ATG5: variants seen among roughly 807,000 people sequenced by gnomAD.
ATG5 encodes the protein autophagy protein 5.
A neutral mutation model predicts 36.5 loss-of-function variants in ATG5; 14 were observed. The observed-to-expected ratio is 0.38, with a 90% CI of 0.25 to 0.60. The LOEUF (loss-of-function observed/expected upper bound fraction) is 0.60, where lower values mean the gene tolerates loss of function less well. Among genes scored for constraint, ATG5 ranks in the 20% least tolerant of loss-of-function variants. The pLI is 0.60. For missense variants in ATG5, 195 were observed against 326.7 expected (o/e 0.60, Z 3.11); for synonymous variants, 95 against 101.5 (o/e 0.94, Z 0.38).
intron 6 of ATG5, among the ~76,000 whole-genome samples, chr6:106,215,690 T>C (rs1562216258): frequency 6.6e-6 from 1 of 151,962 alleles, no homozygotes; most frequent in Non-Finnish European, 1.5e-5. Flanking sequence ...CTTCGTGACC[T>C]TGGATTAGGA....
chr6:106,199,745 T>C (rs535119421), intron 7 of ATG5, among the ~76,000 whole-genome samples: 4 of 152,218 alleles, frequency 2.6e-5, no homozygotes, highest in Non-Finnish European at 5.9e-5. Context: ...TAAGATAGTA[T>C]TATAATCAAC....
At position 106,252,439 on chromosome 6, in the gene ATG5, A is replaced by G. The variant is rs76827886; in HGVS notation, c.479-4195T>C. 5.7e-3 allele frequency among the ~76,000 whole-genome samples: 865 copies of G among 151,754 alleles called. 10 individuals are homozygous for G. The highest frequency in any genetic ancestry group is 0.02 in the African/African-American group (830 of 41,400). Reference sequence around the variant, plus strand: ...TCTCTCTGCTGAATTAAGCTTTTATATTGGTCTTGCAAATTTTAAAACACC... The same window carrying G: ...TCTCTCTGCTGAATTAAGCTTTTATGTTGGTCTTGCAAATTTTAAAACACC... On this transcript the variant is annotated intron_variant, in intron 5 of 7. Transcript: ENST00000369076.
chr6:106,266,042 A>G (rs1323685823), intron 5 of ATG5, among the ~76,000 whole-genome samples: 1 of 152,130 alleles, frequency 6.6e-6, no homozygotes, highest in African/African-American at 2.4e-5. Context: ...CTCAAAAAAA[A>G]AAAATCAATG....
intron 5 of ATG5, among the ~76,000 whole-genome samples, chr6:106,274,827 G>GT (rs1199616502): frequency 6.6e-5 from 10 of 152,166 alleles, no homozygotes; most frequent in Admixed American, 6.5e-5. Context: ...ATACAAAAAT[G>GT]TAAGATGTAC....
chr6:106,225,804 A>T (rs1277568075), intron 6 of ATG5, among the ~76,000 whole-genome samples: 1 of 152,196 alleles, frequency 6.6e-6, no homozygotes, highest in Non-Finnish European at 1.5e-5. Context: ...TCACCAGGAG[A>T]GTTTGTGGAA....
At chr6:106,290,324 T>C (rs1175617722) in intron 4 of ATG5, among the ~76,000 whole-genome samples, 1 of 151,620 alleles carries the variant, frequency 6.6e-6, no homozygotes, top group African/African-American at 2.4e-5. Flanking sequence ...ATTCTTTCAT[T>C]CGTTCATTTA....
At chr6:106,194,026 C>G (rs1030474496) in intron 7 of ATG5, among the ~76,000 whole-genome samples, 1 of 152,114 alleles carries the variant, frequency 6.6e-6, no homozygotes, top group Non-Finnish European at 1.5e-5. Flanking sequence ...GAAGGAGAAA[C>G]CAGAAGCATC....
At chr6:106,252,998 C>T (rs542727807) in intron 5 of ATG5, among the ~76,000 whole-genome samples, 1 of 152,318 alleles carries the variant, frequency 6.6e-6, no homozygotes, top group Non-Finnish European at 1.5e-5. Context: ...CAAATCAGTA[C>T]TACAAGTGAT....
chr6:106,219,852 T>A (rs367713820), intron 6 of ATG5, among the ~76,000 whole-genome samples: 1 of 152,170 alleles, frequency 6.6e-6, no homozygotes, highest in African/African-American at 2.4e-5. Flanking sequence ...ACACCCAAGA[T>A]AGACATATGG....
chr6:106,273,869 T>C (rs1779546006), intron 5 of ATG5, among the ~76,000 whole-genome samples: 2 of 152,200 alleles, frequency 1.3e-5, no homozygotes, highest in African/African-American at 2.4e-5. Context: ...AACAAAAGTA[T>C]TTTCCAAATG....
intron 5 of ATG5, among the ~76,000 whole-genome samples, chr6:106,269,699 G>A (rs1779374873): frequency 6.6e-6 from 1 of 152,234 alleles, no homozygotes; most frequent in East Asian, 1.9e-4. Flanking sequence ...GCTGCTCCGA[G>A]TGCGGGGTCC....
chr6:106,205,577 GA>G (rs940105164), intron 6 of ATG5, among the ~76,000 whole-genome samples: 9 of 151,436 alleles, frequency 5.9e-5, no homozygotes, highest in African/African-American at 1.2e-4. Flanking sequence ...AAAATTACCT[GA>G]AAAAAAATGC....
In ATG5 at chr6:106,304,383, G is replaced by A. The variant is rs1388272874; in HGVS notation, c.236+3981C>T. ...GCTTGACACAGAAAGACCTCTAGGT[G>A]TTTTCAGCAGCTTTTCTCAATATAG... On this transcript the variant is annotated intron_variant, in intron 3 of 7. Coordinates refer to ENST00000369076, the MANE Select transcript of ATG5 (RefSeq NM_004849.4). 3 of 152,148 alleles carry A rather than the reference G, an allele frequency of 2.0e-5. No homozygotes were observed. The East Asian group carries it at 5.8e-4, about 29-fold the overall frequency. The allele number at this position is 152,148 out of a possible 1,614,324, so 9.4% of individuals were successfully genotyped here.
Position 106,229,636 on chromosome 6 carries a change from T to C in ATG5, c.573+18514A>G, listed in dbSNP as rs537266020. On this transcript the variant is annotated intron_variant, in intron 6 of 7. Coordinates refer to ENST00000369076, the MANE Select transcript of ATG5 (RefSeq NM_004849.4). ...CTATAATTGATAATTGAAGGTCTTC[T>C]CCGCGACCCTATAACACTCCAATAC... Among the ~76,000 whole-genome samples, 81 of 152,298 alleles carry C rather than the reference T, an allele frequency of 5.3e-4. 1 individual carries two copies. In the South Asian group the frequency reaches 0.017, roughly 31 times the overall value.
intron 6 of ATG5, among the ~76,000 whole-genome samples, chr6:106,216,062 C>T (rs2114409199): frequency 6.6e-6 from 1 of 152,254 alleles, no homozygotes; most frequent in Admixed American, 6.5e-5. Context: ...CCTTCATACC[C>T]ACTAAGACTG....
At chr6:106,197,403 T>A (rs1776239316) in intron 7 of ATG5, among the ~76,000 whole-genome samples, 1 of 152,112 alleles carries the variant, frequency 6.6e-6, no homozygotes, top group South Asian at 2.1e-4. Flanking sequence ...TGGCTTAAAT[T>A]TCATTTACTC....
intron 6 of ATG5, among the ~76,000 whole-genome samples, chr6:106,233,945 T>C (rs757568805): frequency 4.6e-5 from 7 of 152,040 alleles, no homozygotes; most frequent in Non-Finnish European, 1.0e-4. Flanking sequence ...TAAAGGAAAC[T>C]CCACCTTCAC....
intron 6 of ATG5, among the ~76,000 whole-genome samples, chr6:106,236,909 T>C (rs917177783): frequency 3.9e-5 from 6 of 152,190 alleles, no homozygotes; most frequent in Non-Finnish European, 7.4e-5. Context: ...TCAATAAATA[T>C]GTTAATGTGT....
At chr6:106,206,268 TGGGGGC>T (rs1776630771) in intron 6 of ATG5, among the ~76,000 whole-genome samples, 1 of 29,830 alleles carries the variant, frequency 3.4e-5, no homozygotes, top group African/African-American at 1.3e-4. Flanking sequence ...GGGGTGGGGG[TGGGGGC>T]GCAGCAACCA....
Sources: allele counts gnomAD v4.1 joint callset (sites outside exome capture counted in the v4.1 genomes callset), GRCh38; gene constraint gnomAD v4.1.1; transcripts MANE v1.5; gene names NCBI Gene and HGNC (gene_info 2026-07-23, HGNC 2026-07-21).